ENTPD3: variants seen among roughly 807,000 people sequenced by gnomAD.
The protein encoded by ENTPD3 is ectonucleoside triphosphate diphosphohydrolase 3.
In ENTPD3, 60 loss-of-function variants were observed where a neutral mutation model predicts 51.2. That is an observed-to-expected ratio of 1.17 (90% CI 0.95 to 1.45). ENTPD3 has a LOEUF of 1.45. ENTPD3 is among the 40% of genes most tolerant of loss of function. The pLI is 0.00. For synonymous variants in ENTPD3, 221 were observed against 238.4 expected (o/e 0.93, Z 0.67); for missense variants, 593 against 641.1 (o/e 0.93, Z 0.81).
intron 10 of ENTPD3, 84 bp downstream of exon 10, chr3:40,424,047 AG>A (rs1262065141): frequency 6.3e-7 from 1 of 1,591,602 alleles, no homozygotes; most frequent in African/African-American, 1.3e-5. Context: ...AGAAGGTAAA[AG>A]GGTATTAATG....
intron 4 of ENTPD3, among the ~76,000 whole-genome samples, chr3:40,402,653 C>A (rs1323873007): frequency 1.3e-5 from 2 of 151,964 alleles, no homozygotes; most frequent in African/African-American, 4.8e-5. Context: ...TACCGTCTCA[C>A]AGTTTGTAGT....
Position 40,423,840 on chromosome 3 carries a change from C to T in ENTPD3, c.1230C>T (p.Leu410=). 1.2e-6 allele frequency: 2 copies of T among 1,614,070 alleles called. No individual in the cohort carries two copies. The highest frequency in any genetic ancestry group is 1.7e-6 in the Non-Finnish European group (2 of 1,179,970). ...AAACCTTTCAGCTCCCACTGCTGCT[C>T]CCCAAATTTGATGAGGTATATGCCC... ...SQNWSQLPLL[L]PKFDEVYARS... Residue 410 remains leucine, a synonymous_variant, in exon 10 of 11, where the codon CTC becomes CTT. Transcript: ENST00000301825.
chr3:40,395,012 A>C (rs1294463158), intron 3 of ENTPD3, among the ~76,000 whole-genome samples: 1 of 152,170 alleles, frequency 6.6e-6, no homozygotes, highest in Non-Finnish European at 1.5e-5. Context: ...GGACCTCCAG[A>C]AGGTGGACAT....
At chr3:40,426,347 A>ACCC (rs2125614372) in intron 10 of ENTPD3, among the ~76,000 whole-genome samples, 1 of 151,616 alleles carries the variant, frequency 6.6e-6, no homozygotes, top group South Asian at 2.1e-4. Flanking sequence ...ACCTCAGGTG[A>ACCC]TCCCGCCTCG....
Position 40,400,940 on chromosome 3 carries a change from T to A in ENTPD3, c.215T>A (p.Val72Glu). The A allele has an allele frequency of 6.2e-7, 1 of 1,613,814 alleles. No homozygotes were observed. The highest frequency in any genetic ancestry group is 1.1e-5 in the South Asian group (1 of 91,068). The change falls in exon 4 of 11, where the codon GTG becomes GAG. Residue 72 changes from valine (V) to glutamate (E), a missense_variant. By Grantham distance (121) the Val-to-Glu change is moderately radical. Coordinates refer to ENST00000301825, the MANE Select transcript of ENTPD3 (RefSeq NM_001248.4). The stretch of plus-strand genomic sequence containing the variant: ...GGGTCTTCAAGAACCACAGTCTACG[T>A]GTATCAATGGCCAGCAGAAAAAGAG... ...DAGSSRTTVY[V>E]YQWPAEKENN...
intron 5 of ENTPD3, among the ~76,000 whole-genome samples, chr3:40,413,590 TC>T (rs1955682204): frequency 6.6e-6 from 1 of 152,172 alleles, no homozygotes; most frequent in African/African-American, 2.4e-5. Context: ...ACTGACTTTT[TC>T]TTGGTTGCTT....
intron 1 of ENTPD3, 115 bp from the exon 2 acceptor site, chr3:40,387,931 T>A: frequency 1.3e-6 from 1 of 771,246 alleles, no homozygotes; most frequent in Non-Finnish European, 2.2e-6. Context: ...TTTCCCGGGA[T>A]GAGGTTTTGA....
chr3:40,398,463 C>T (rs1380440506), intron 3 of ENTPD3, among the ~76,000 whole-genome samples: 2 of 152,082 alleles, frequency 1.3e-5, no homozygotes, highest in Non-Finnish European at 2.9e-5. Context: ...GAGGCCTGGA[C>T]CTCTTTAGTT....
chr3:40,420,943 C>G (rs1331859763), intron 7 of ENTPD3, among the ~76,000 whole-genome samples: 2 of 151,778 alleles, frequency 1.3e-5, no homozygotes, highest in Non-Finnish European at 2.9e-5. Context: ...TCTCTTGTGC[C>G]CAGGAGTTTG....
At chr3:40,388,750 T>A (rs1278377441) in intron 2 of ENTPD3, among the ~76,000 whole-genome samples, 4 of 152,210 alleles carry the variant, frequency 2.6e-5, no homozygotes, top group Non-Finnish European at 5.9e-5. Context: ...CCAGCCCTAA[T>A]GACAGCACAG....
Position 40,400,968 on chromosome 3 carries a change from T to C in ENTPD3, c.243T>C (p.Asn81=), listed in dbSNP as rs375029066. ...YVYQWPAEKE[N]NTGVVSQTFK... ...ATCAATGGCCAGCAGAAAAAGAGAA[T>C]AATACCGGAGTGGTCAGTCAAACCT... is the stretch of plus-strand genomic sequence containing the variant. Residue 81 remains asparagine (N), a synonymous_variant, in exon 4 of 11, where the codon AAT becomes AAC. Coordinates refer to ENST00000301825, the MANE Select transcript of ENTPD3 (RefSeq NM_001248.4). The C allele has an allele frequency of 6.2e-7, 1 of 1,613,814 alleles. No individual in the cohort carries two copies. The highest frequency in any genetic ancestry group is 8.5e-7 in the Non-Finnish European group (1 of 1,180,014).
At chr3:40,388,647 C>T (rs74915350) in intron 2 of ENTPD3, among the ~76,000 whole-genome samples, 536 of 151,800 alleles carry the variant, frequency 3.5e-3, no homozygotes, top group African/African-American at 0.012. Flanking sequence ...CCCCGCCTGC[C>T]TCTAGAGCAC....
At chr3:40,408,908 C>T (rs868296767) in intron 4 of ENTPD3, among the ~76,000 whole-genome samples, 5 of 148,138 alleles carry the variant, frequency 3.4e-5, no homozygotes, top group South Asian at 2.1e-4. Context: ...CATAATCCTT[C>T]CCACCAGAGG....
At chr3:40,392,800 A>G (rs1955095489) in intron 3 of ENTPD3, among the ~76,000 whole-genome samples, 1 of 151,998 alleles carries the variant, frequency 6.6e-6, no homozygotes, top group Non-Finnish European at 1.5e-5. Flanking sequence ...TACCAAAAAG[A>G]AATTTTTCCA....
Position 40,394,525 on chromosome 3 carries a change from T to A in ENTPD3, c.168+2375T>A, listed in dbSNP as rs1227679430. 4 of 155,712 alleles carry A rather than the reference T, an allele frequency of 2.6e-5. No individual in the cohort carries two copies. The Admixed American group carries it at 2.6e-4, about 10-fold the overall frequency. The allele number at this position is 155,712 out of a possible 1,614,324, so 9.6% of individuals were successfully genotyped here. On this transcript the variant is annotated intron_variant, in intron 3 of 10. Transcript: ENST00000301825. ...TAGTTCTTATGCCAACCATAGAAGG[T>A]GGACAAAGCGAGCACCATGACTGCC...
intron 4 of ENTPD3, among the ~76,000 whole-genome samples, chr3:40,409,119 G>C (rs1955569649): frequency 1.3e-5 from 2 of 151,894 alleles, no homozygotes; most frequent in African/African-American, 4.8e-5. Context: ...GGGTCTGTTG[G>C]TGCATACCTG....
chr3:40,388,573 CACACACACACAG>C (rs201341466), intron 2 of ENTPD3, among the ~76,000 whole-genome samples: 22,390 of 111,296 alleles, frequency 0.2, 2,266 homozygotes, highest in East Asian at 0.44. Context: ...CACTGGAAGG[CACACACACACAG>C]ACACACACAC....
chr3:40,420,451 G>A (rs530842177), intron 7 of ENTPD3, among the ~76,000 whole-genome samples: 1 of 151,984 alleles, frequency 6.6e-6, no homozygotes, highest in Non-Finnish European at 1.5e-5. Context: ...GTGTTAGCCA[G>A]GATGGCCTCG....
Position 40,423,274 on chromosome 3 carries a change from G to A in ENTPD3, c.1105-17G>A. On this transcript the variant is annotated splice_polypyrimidine_tract_variant and intron_variant, in intron 8 of 10. Transcript: ENST00000301825. ...CCATTCTGAGAACTAATTTTCTTCTGTATTACTTATTTCCAGGCTTTTGCA... is the reference window on the plus strand; with the variant it reads ...CCATTCTGAGAACTAATTTTCTTCTATATTACTTATTTCCAGGCTTTTGCA... The A allele has an allele frequency of 6.2e-7, 1 of 1,601,712 alleles. No homozygotes were observed. The highest frequency in any genetic ancestry group is 8.6e-7 in the Non-Finnish European group (1 of 1,169,476).
Sources: gnomAD v4.1 joint callset for allele counts (sites outside exome capture counted in the v4.1 genomes callset) on GRCh38, gnomAD v4.1.1 for gene constraint, MANE v1.5 for transcripts, NCBI Gene and HGNC (gene_info 2026-07-23, HGNC 2026-07-21) for gene names.